The following SCO1 variants were observed in gnomAD, a reference collection of about 807,000 sequenced individuals.
The protein encoded by SCO1 is synthesis of cytochrome C oxidase 1.
In SCO1, 23 loss-of-function variants were observed where a neutral mutation model predicts 34.0. That is an observed-to-expected ratio of 0.68 (90% CI 0.49 to 0.96). The LOEUF (loss-of-function observed/expected upper bound fraction) is 0.96, where lower values mean the gene tolerates loss of function less well. Ranked by LOEUF, SCO1 falls within the 40% of genes least tolerant of loss-of-function variation. SCO1 has a pLI of 0.00. For missense variants in SCO1, 404 were observed against 381.6 expected, an observed-to-expected ratio of 1.06 and a Z score of -0.49; for synonymous variants, 161 against 145.5, an observed-to-expected ratio of 1.11 and a Z score of -0.77.
Position 10,696,087 on chromosome 17 carries a change from A to AAAT in SCO1, c.274-257_274-256insATT, listed in dbSNP as rs1268343366. On this transcript the variant is annotated intron_variant, in intron 1 of 5. Transcript: ENST00000255390. ...TCATGTAAATAAAAAAAAAAAAAAA[A>AAAT]AAAAAAAAAAGCTCAAGTACCACGA... 7.0e-4 allele frequency among the ~76,000 whole-genome samples: 106 copies of AAAT among 150,806 alleles called. 2 individuals are homozygous for AAAT. The highest frequency in any genetic ancestry group is 2.5e-3 in the African/African-American group (103 of 41,234).
At chr17:10,686,581 C>CAA (rs10712779) in intron 5 of SCO1, 146 bp downstream of exon 5, 317 of 520,478 alleles carry the variant, frequency 6.1e-4, no homozygotes, top group Non-Finnish European at 6.5e-4. Flanking sequence ...GACTCCATCT[C>CAA]AAAAAAAAAA....
chr17:10,690,633 C>T (rs1418855907), intron 4 of SCO1, among the ~76,000 whole-genome samples: 1 of 152,142 alleles, frequency 6.6e-6, no homozygotes, highest in African/African-American at 2.4e-5. Context: ...TATGGAGGTT[C>T]CTCAGAAAAG....
chr17:10,695,489 C>A, intron 2 of SCO1: 1 of 432,618 alleles, frequency 2.3e-6, no homozygotes. Flanking sequence ...AAGTGAAATC[C>A]AAATACAATC....
Position 10,680,817 on chromosome 17 carries a change from T to C in SCO1, c.*302A>G, listed in dbSNP as rs1597505405. On this transcript the variant is annotated 3_prime_UTR_variant, in exon 6 of 6. Coordinates refer to ENST00000255390, the MANE Select transcript of SCO1 (RefSeq NM_004589.4). Reference sequence around the variant, plus strand: ...GGCCTGTTCGCAGGCAGGAATGCACTGGCTGTGCCTCGCCCCGCCATGTCC... The same window carrying C: ...GGCCTGTTCGCAGGCAGGAATGCACCGGCTGTGCCTCGCCCCGCCATGTCC... 1 of 452,180 alleles carries C rather than the reference T, an allele frequency of 2.2e-6. No individual in the cohort carries two copies. Among genetic ancestry groups the C allele is most frequent in the Non-Finnish European group, 4.1e-6 (1 of 246,342 alleles). The allele number at this position is 452,180 out of a possible 1,614,324, so 28.0% of individuals were successfully genotyped here.
intron 2 of SCO1, among the ~76,000 whole-genome samples, chr17:10,694,521 G>C (rs1036661326): frequency 2.0e-5 from 3 of 152,158 alleles, no homozygotes; most frequent in African/African-American, 7.2e-5. Flanking sequence ...TTCTAATTTT[G>C]ATGGTTGTAT....
At chr17:10,685,433 CT>C (rs1393960432) in intron 5 of SCO1, among the ~76,000 whole-genome samples, 1 of 152,164 alleles carries the variant, frequency 6.6e-6, no homozygotes, top group South Asian at 2.1e-4. Context: ...GTGCTAATGC[CT>C]TTTGGTGCTT....
chr17:10,696,301 C>T (rs2074725400), intron 1 of SCO1, among the ~76,000 whole-genome samples: 2 of 151,824 alleles, frequency 1.3e-5, no homozygotes, highest in South Asian at 4.2e-4. Context: ...AAAAATTAGC[C>T]GGGCGTGGTA....
intron 2 of SCO1, among the ~76,000 whole-genome samples, chr17:10,693,340 C>A (rs2074701759): frequency 6.6e-6 from 1 of 151,906 alleles, no homozygotes; most frequent in South Asian, 2.1e-4. Context: ...CCTGAGGGTG[C>A]TAAGGAGGGC....
At position 10,696,172 on chromosome 17, in the gene SCO1, C is replaced by T. The variant is rs147256382; in HGVS notation, c.274-341G>A. On this transcript the variant is annotated intron_variant, in intron 1 of 5. Transcript: ENST00000255390. ...CTTTAAAACCAATTATGGCCGGGCG[C>T]GGTGGGTCACGCCTGTAATCCCAGC... Among the ~76,000 whole-genome samples the T allele has an allele frequency of 7.9e-3, 1,177 of 149,842 alleles. 18 individuals carry two copies. Among genetic ancestry groups the T allele is most frequent in the African/African-American group, 0.028 (1,130 of 41,020 alleles).
intron 5 of SCO1, among the ~76,000 whole-genome samples, chr17:10,684,816 A>G (rs529308490): frequency 5.9e-5 from 9 of 152,358 alleles, no homozygotes; most frequent in Non-Finnish European, 8.8e-5. Context: ...TCCTTTTCCT[A>G]TGGTTTCCTC....
Position 10,673,762 on chromosome 17 carries a change from G to A in SCO1, c.*7357C>T, listed in dbSNP as rs1680926469. On this transcript the variant is annotated 3_prime_UTR_variant, in exon 6 of 6. Coordinates refer to ENST00000255390, the MANE Select transcript of SCO1 (RefSeq NM_004589.4). ...CGATAAGGCCCCACAGGGTAACCAAGCAGCATCTCTCCCTGCTTTTTGATC... is the reference window on the plus strand; with the variant it reads ...CGATAAGGCCCCACAGGGTAACCAAACAGCATCTCTCCCTGCTTTTTGATC... 6.6e-6 allele frequency: 1 copy of A among 152,200 alleles called. No homozygotes were observed. Among genetic ancestry groups the A allele is most frequent in the African/African-American group, 2.4e-5 (1 of 41,462 alleles). The allele number at this position is 152,200 out of a possible 1,614,324, so 9.4% of individuals were successfully genotyped here.
chr17:10,696,071 T>TAAAAAAAAAAA (rs869243005), intron 1 of SCO1, among the ~76,000 whole-genome samples: 4 of 73,022 alleles, frequency 5.5e-5, no homozygotes, highest in African/African-American at 1.1e-4. Context: ...TTCATGTAAA[T>TAAAAAAAAAAA]AAAAAAAAAA....
chr17:10,685,741 T>C (rs2074651448), intron 5 of SCO1, among the ~76,000 whole-genome samples: 1 of 152,240 alleles, frequency 6.6e-6, no homozygotes, highest in Admixed American at 6.5e-5. Flanking sequence ...ATACCTCTAC[T>C]GGGGACACAG....
intron 2 of SCO1, among the ~76,000 whole-genome samples, chr17:10,694,897 T>C (rs2074712459): frequency 6.6e-6 from 1 of 152,154 alleles, no homozygotes; most frequent in African/African-American, 2.4e-5. Context: ...GCTAAGTTCC[T>C]AAAGCCTATG....
intron 1 of SCO1, among the ~76,000 whole-genome samples, chr17:10,696,819 T>C (rs1239268648): frequency 2.0e-5 from 3 of 152,186 alleles, no homozygotes; most frequent in African/African-American, 2.4e-5. Flanking sequence ...CATAACTAAG[T>C]TCCACTTTTT....
rs1377568296 is a variant in SCO1 at position 10,672,807 on chromosome 17, A to G, written c.*8312T>C. ...TCCCCTGGATCTGAGTCATTATTAC[A>G]TTGATTCTATTTATTATAGATTCTG... On this transcript the variant is annotated 3_prime_UTR_variant, in exon 6 of 6. Coordinates refer to ENST00000255390, the MANE Select transcript of SCO1 (RefSeq NM_004589.4). 6.6e-6 allele frequency: 1 copy of G among 152,152 alleles called. No individual in the cohort carries two copies. Among genetic ancestry groups the G allele is most frequent in the Non-Finnish European group, 1.5e-5 (1 of 68,022 alleles). 9.4% of individuals were successfully genotyped at this position (152,152 alleles called of 1,614,324 possible).
rs1360348875 is a variant in SCO1, at chr17:10,678,986, C to T, written c.*2133G>A. On this transcript the variant is annotated 3_prime_UTR_variant, in exon 6 of 6. Coordinates refer to ENST00000255390, the MANE Select transcript of SCO1 (RefSeq NM_004589.4). The stretch of plus-strand genomic sequence containing the variant: ...TTTGAGACGGAGTCTTGCTCTGTCG[C>T]CCAGGCTGGAGTACGATGGCGCAAT... The T allele has an allele frequency of 6.6e-6, 1 of 152,074 alleles. No homozygotes were observed. Among genetic ancestry groups the T allele is most frequent in the Non-Finnish European group, 1.5e-5 (1 of 68,108 alleles). The allele number at this position is 152,074 out of a possible 1,614,324, so 9.4% of individuals were successfully genotyped here. A position where few individuals can be genotyped will look rare whatever the true frequency, so the allele number is the denominator to read the frequency against.
chr17:10,692,773 C>T lies in SCO1; in HGVS notation c.553G>A (p.Asp185Asn). The T allele has an allele frequency of 6.2e-7, 1 of 1,613,834 alleles. No homozygotes were observed. Among genetic ancestry groups the T allele is most frequent in the African/African-American group, 1.3e-5 (1 of 75,006 alleles). Residue 185 changes from aspartate (D) to asparagine (N), a missense_variant, in exon 3 of 6, where the codon GAT becomes AAT. Transcript: ENST00000255390. ...GTGATGGCTTTCTTACCTATTTCAT[C>T]CACGACTTGAATCATCTTTTCTAGT... is the stretch of plus-strand genomic sequence containing the variant. ...EELEKMIQVV[D>N]EIDSITTLPD...
In SCO1 at chr17:10,686,796, G is replaced by A. The variant is rs199687831; in HGVS notation, c.702C>T (p.Val234=). The change falls in exon 5 of 6, where the codon GTC becomes GTT. Residue 234 remains valine, a synonymous_variant. Transcript: ENST00000255390. ...CTCTGTATGCTCTGGCCACTTGATC[G>A]ACCTCTTCTCTCGTGCCAGTCAAGC... is the stretch of plus-strand genomic sequence containing the variant. The part of the protein sequence containing the change: ...LVGLTGTREE[V]DQVARAYRVY... 7.2e-5 allele frequency: 116 copies of A among 1,613,756 alleles called. No individual in the cohort carries two copies. The highest frequency in any genetic ancestry group is 5.2e-4 in the Admixed American group (31 of 59,984).
Sources: allele counts gnomAD v4.1 joint callset (sites outside exome capture counted in the v4.1 genomes callset), GRCh38; gene constraint gnomAD v4.1.1; transcripts MANE v1.5; gene names NCBI Gene and HGNC (gene_info 2026-07-23, HGNC 2026-07-21).